SYCE1: variants seen among roughly 807,000 people sequenced by gnomAD.
SYCE1 encodes cancer/testis antigen 76.
SYCE1 carries 37 observed loss-of-function variants against 55.1 expected under a neutral mutation model. The observed-to-expected ratio is 0.67, with a 90% CI of 0.52 to 0.88. SYCE1 has a LOEUF of 0.88. Ranked by LOEUF, SYCE1 falls within the 40% of genes least tolerant of loss-of-function variation. The pLI, the probability that SYCE1 is intolerant of heterozygous loss-of-function variation, is 0.00. For synonymous variants in SYCE1, 163 were observed against 159.4 expected (o/e 1.02, Z -0.17); for missense variants, 399 against 416.4 (o/e 0.96, Z 0.36).
At chr10:133,564,461 C>T (rs911735643) in intron 1 of SYCE1, 44 of 984,464 alleles carry the variant, frequency 4.5e-5, no homozygotes, top group Non-Finnish European at 5.3e-5. Flanking sequence ...AGCACACCGG[C>T]GGGCCAGCAG....
upstream of SYCE1, chr10:133,567,900 G>T: frequency 2.0e-6 from 1 of 510,826 alleles, no homozygotes; most frequent in Non-Finnish European, 3.8e-6. Context: ...CTGAGGCGGC[G>T]TGGGCAGGCA....
chr10:133,560,194 G>A (rs766900709), intron 1 of SYCE1, 41 bp from the exon 2 acceptor site: 11 of 1,586,590 alleles, frequency 6.9e-6, no homozygotes, highest in African/African-American at 5.4e-5. Flanking sequence ...CAAGCAGGGC[G>A]AGAGGCCACC....
At chr10:133,559,465 T>TG in intron 2 of SYCE1, 105 bp from the exon 3 acceptor site, 9 of 1,164,196 alleles carry the variant, frequency 7.7e-6, no homozygotes, top group Middle Eastern at 2.1e-4. Context: ...ATTGAGTACC[T>TG]CCTGCAAGCA....
intron 1 of SYCE1, among the ~76,000 whole-genome samples, chr10:133,562,263 G>A (rs12218228): frequency 0.08 from 83 of 1,042 alleles, 2 homozygotes; most frequent in East Asian, 0.28. Context: ...AACATCCAAT[G>A]TGTGTGTGTG....
At chr10:133,566,490 A>G (rs1246726128), upstream of SYCE1, among the ~76,000 whole-genome samples, 4 of 120,642 alleles carry the variant, frequency 3.3e-5, no homozygotes, top group Non-Finnish European at 6.6e-5. Flanking sequence ...TGGGGTTAGA[A>G]TTAGGGTTTG....
At position 133,557,890 on chromosome 10, in the gene SYCE1, G is replaced by A. The variant is rs1487895487; in HGVS notation, c.348C>T (p.Cys116=). 6.2e-7 allele frequency: 1 copy of A among 1,613,972 alleles called. No homozygotes were observed. The highest frequency in any genetic ancestry group is 1.3e-5 in the African/African-American group (1 of 74,914). Residue 116 remains cysteine (C), a synonymous_variant, in exon 6 of 13, where the codon TGC becomes TGT. Coordinates refer to ENST00000343131, the MANE Select transcript of SYCE1 (RefSeq NM_001143764.3). ...TGTGTGCCTCACTTTCCTTTTCCTG[G>A]CAATGCAGCCGGAGGATCCTCAGGG... is the stretch of plus-strand genomic sequence containing the variant. ...QETLRILRLH[C]QEKESEAHRK...
chr10:133,563,829 G>A (rs57537088), intron 1 of SYCE1, among the ~76,000 whole-genome samples: 2,101 of 152,126 alleles, frequency 0.014, 52 homozygotes, highest in African/African-American at 0.048. Context: ...AATTATTCAA[G>A]TAATTGGCAT....
chr10:133,563,689 C>CAAAA (rs10659883), intron 1 of SYCE1, among the ~76,000 whole-genome samples: 6 of 142,524 alleles, frequency 4.2e-5, no homozygotes, highest in East Asian at 4.1e-4. Flanking sequence ...AATCTCGTCT[C>CAAAA]AAAAAAAAAA....
chr10:133,560,241 C>G (rs563378518), intron 1 of SYCE1, 88 bp from the exon 2 acceptor site: 1 of 1,136,292 alleles, frequency 8.8e-7, no homozygotes, highest in East Asian at 2.4e-5. Flanking sequence ...GGGCAGGTCT[C>G]CAGCCAGAGT....
intron 1 of SYCE1, among the ~76,000 whole-genome samples, chr10:133,561,868 A>G (rs538759136): frequency 6.6e-6 from 1 of 152,104 alleles, no homozygotes; most frequent in Non-Finnish European, 1.5e-5. Flanking sequence ...AATTATGTGG[A>G]ACAAGGCCTC....
chr10:133,555,292 C>T, intron 12 of SYCE1, 59 bp downstream of exon 12: 2 of 1,608,060 alleles, frequency 1.2e-6, no homozygotes, highest in South Asian at 1.1e-5. Context: ...TCCTCCCGCC[C>T]CTTCCGCTGT....
At position 133,559,339 on chromosome 10, in the gene SYCE1, A is replaced by C. The variant is rs1402641448; in HGVS notation, c.158T>G (p.Val53Gly). Residue 53 changes from valine (V) to glycine (G), a missense_variant, in exon 3 of 13, where the codon GTT becomes GGT. By Grantham distance (109) the Val-to-Gly change is moderately radical. Coordinates refer to ENST00000343131, the MANE Select transcript of SYCE1 (RefSeq NM_001143764.3). ...ATTAATCCGGTTAATCAGGACCTCA[A>C]CTCGGGGCTCTAGGCTTCCCACTGC... ...LQKVGSLEPR[V>G]EVLINRINEV... The C allele has an allele frequency of 5.6e-6, 9 of 1,613,944 alleles. No homozygotes were observed. The Admixed American group carries it at 1.2e-4, about 21-fold the overall frequency.
chr10:133,568,256 G>A (rs1362634243), upstream of SYCE1: 11 of 1,424,090 alleles, frequency 7.7e-6, no homozygotes, highest in Middle Eastern at 3.5e-4. Flanking sequence ...TCCAGGCCGC[G>A]TTCCCCGGGT....
intron 12 of SYCE1, 79 bp downstream of exon 12, chr10:133,555,272 C>T: frequency 1.3e-6 from 2 of 1,595,396 alleles, no homozygotes; most frequent in Non-Finnish European, 1.7e-6. Flanking sequence ...TCCCAGGACC[C>T]CCTCCCTTGT....
rs2133613999 is a variant in SYCE1, at chr10:133,555,698, A to G, written c.729T>C (p.Phe243=). 11 of 1,605,626 alleles carry G rather than the reference A, an allele frequency of 6.9e-6. 1 individual carries two copies. Among genetic ancestry groups the G allele is most frequent in the South Asian group, 3.3e-5 (3 of 91,082 alleles). The change falls in exon 11 of 13, where the codon TTT becomes TTC. Residue 243 remains phenylalanine, a synonymous_variant. Transcript: ENST00000343131. Reference sequence around the variant, plus strand: ...CCTCAGCCTTCCTGTGCTCTTCCTGAAACAGCTGCCTGGGGGGCCCAGTAG... The same window carrying G: ...CCTCAGCCTTCCTGTGCTCTTCCTGGAACAGCTGCCTGGGGGGCCCAGTAG... ...SQEAAATVQL[F]QEEHRKAEEL... is the part of the protein sequence containing the mutation.
chr10:133,560,396 T>C (rs1182781308), intron 1 of SYCE1: 2 of 331,708 alleles, frequency 6.0e-6, no homozygotes, highest in Non-Finnish European at 1.1e-5. Flanking sequence ...CTCTCACTGC[T>C]GAGGCTGTTC....
chr10:133,555,691 C>G lies in SYCE1; in HGVS notation c.736G>C (p.Glu246Gln), dbSNP rs780257515. The G allele has an allele frequency of 1.2e-6, 2 of 1,605,366 alleles. No homozygotes were observed. Among genetic ancestry groups the G allele is most frequent in the Admixed American group, 3.3e-5 (2 of 60,028 alleles). The change falls in exon 11 of 13, where the codon GAG becomes CAG. Residue 246 changes from glutamate to glutamine, a missense_variant. Transcript: ENST00000343131. ...AAATVQLFQE[E>Q]HRKAEELLAA... ...AGGAGCTCCTCAGCCTTCCTGTGCTCTTCCTGAAACAGCTGCCTGGGGGGC... is the reference window on the plus strand; with the variant it reads ...AGGAGCTCCTCAGCCTTCCTGTGCTGTTCCTGAAACAGCTGCCTGGGGGGC...
At chr10:133,568,195 G>C (rs1377523222), upstream of SYCE1, 5 of 1,084,862 alleles carry the variant, frequency 4.6e-6, no homozygotes, top group African/African-American at 1.5e-5. Context: ...TACAGTAGCT[G>C]TAGATGCCGA....
intron 1 of SYCE1, among the ~76,000 whole-genome samples, chr10:133,563,781 CACAAATT>C (rs1303358911): frequency 1.3e-5 from 2 of 151,730 alleles, no homozygotes; most frequent in Non-Finnish European, 2.9e-5. Context: ...TGAAATCTTA[CACAAATT>C]ACTGCTCATA....
Sources: allele counts gnomAD v4.1 joint callset (sites outside exome capture counted in the v4.1 genomes callset), GRCh38; gene constraint gnomAD v4.1.1; transcripts MANE v1.5; gene names NCBI Gene and HGNC (gene_info 2026-07-23, HGNC 2026-07-21).